The following FOXP2 variants were observed in gnomAD, a reference collection of about 807,000 sequenced individuals.
FOXP2 encodes the protein forkhead box protein P2.
In FOXP2, 12 loss-of-function variants were observed where a neutral mutation model predicts 115.8. That is an observed-to-expected ratio of 0.10 (90% CI 0.07 to 0.17). The LOEUF (loss-of-function observed/expected upper bound fraction) is 0.17, where lower values mean the gene tolerates loss of function less well. Ranked by LOEUF, FOXP2 falls within the 10% of genes least tolerant of loss-of-function variation. The pLI is 1.00. For missense variants in FOXP2, 629 were observed against 843.5 expected, an observed-to-expected ratio of 0.75 and a Z score of 3.15; for synonymous variants, 328 against 297.7, an observed-to-expected ratio of 1.10 and a Z score of -1.05.
chr7:114,150,775 A>G (rs978986663), intron 1 of FOXP2, among the ~76,000 whole-genome samples: 9 of 151,896 alleles, frequency 5.9e-5, no homozygotes, highest in African/African-American at 2.2e-4. Flanking sequence ...CTAGATATCA[A>G]TTTTCTCTCT....
chr7:114,491,358 T>G (rs1333271689), intron 2 of FOXP2, among the ~76,000 whole-genome samples: 1 of 152,164 alleles, frequency 6.6e-6, no homozygotes, highest in Non-Finnish European at 1.5e-5. Flanking sequence ...GGGTTGTTTG[T>G]TTTTTTCTTG....
intron 1 of FOXP2, among the ~76,000 whole-genome samples, chr7:114,230,850 C>CTCAT (rs1182838012): frequency 6.6e-6 from 1 of 151,780 alleles, no homozygotes; most frequent in East Asian, 1.9e-4. Context: ...CAACACAGTA[C>CTCAT]TCATAGTCCT....
At chr7:114,478,407 A>G (rs971477382) in intron 2 of FOXP2, among the ~76,000 whole-genome samples, 7 of 151,890 alleles carry the variant, frequency 4.6e-5, no homozygotes, top group African/African-American at 1.7e-4. Flanking sequence ...AAAGTTATGA[A>G]TAAGGAATGA....
intron 2 of FOXP2, among the ~76,000 whole-genome samples, chr7:114,354,664 A>G (rs1482206161): frequency 1.3e-5 from 2 of 152,038 alleles, no homozygotes; most frequent in African/African-American, 4.8e-5. Flanking sequence ...TTCAAGTCCA[A>G]GTCTCTAGAT....
In FOXP2 at chr7:114,644,878, G is replaced by C. The variant is rs1291734611; in HGVS notation, c.1094+89G>C. On this transcript the variant is annotated intron_variant, in intron 8 of 16. Transcript: ENST00000350908. ...TTGTAAATAAACAAAAGATGAAGGA[G>C]GAATGTAAAAGTCCATTATAAGTCA... 6.4e-5 allele frequency: 68 copies of C among 1,054,542 alleles called. No homozygotes were observed. In the East Asian group the frequency reaches 1.7e-3, roughly 27 times the overall value. The allele number at this position is 1,054,542 out of a possible 1,614,324, so 65.3% of individuals were successfully genotyped here. A position where few individuals can be genotyped will look rare whatever the true frequency, so the allele number is the denominator to read the frequency against.
At chr7:114,653,040 A>G (rs948444551) in intron 9 of FOXP2, among the ~76,000 whole-genome samples, 3 of 152,128 alleles carry the variant, frequency 2.0e-5, no homozygotes, top group Non-Finnish European at 4.4e-5. Context: ...TCTTTTCTCA[A>G]TGAAACTAAT....
chr7:114,365,762 G>A (rs958575106), intron 2 of FOXP2, among the ~76,000 whole-genome samples: 7 of 152,078 alleles, frequency 4.6e-5, no homozygotes, highest in Admixed American at 2.0e-4. Flanking sequence ...ATGAAAAAAT[G>A]TAGTTTCAGA....
chr7:114,196,912 C>T (rs1793927063), intron 1 of FOXP2, among the ~76,000 whole-genome samples: 1 of 152,142 alleles, frequency 6.6e-6, no homozygotes, highest in African/African-American at 2.4e-5. Context: ...CAAATTTGGG[C>T]TGGACATGGT....
At chr7:114,469,511 T>A (rs539966904) in intron 2 of FOXP2, among the ~76,000 whole-genome samples, 3 of 152,290 alleles carry the variant, frequency 2.0e-5, no homozygotes, top group Admixed American at 2.0e-4. Flanking sequence ...CAATAAAAAG[T>A]TTATATTTTA....
chr7:114,484,895 G>GT (rs914328347), intron 2 of FOXP2, among the ~76,000 whole-genome samples: 11 of 151,684 alleles, frequency 7.3e-5, no homozygotes, highest in African/African-American at 4.8e-5. Context: ...GAATTTTCCA[G>GT]TTTTTTTAAA....
chr7:114,145,376 A>G (rs1444872258), intron 1 of FOXP2, among the ~76,000 whole-genome samples: 1 of 152,024 alleles, frequency 6.6e-6, no homozygotes, highest in African/African-American at 2.4e-5. Context: ...TCTGAAATAG[A>G]TAACTTTGAA....
In FOXP2 at chr7:114,664,370, A is replaced by G. The variant is rs145154396; in HGVS notation, c.1937A>G (p.Asn646Ser). The change falls in exon 16 of 17, where the codon AAT (asparagine) becomes AGT (serine). Residue 646 changes from asparagine to serine, a missense_variant. Physicochemically the swap from Asn to Ser is conservative, Grantham distance 46. Around this residue, in one of 9 missense-constraint regions of FOXP2, gnomAD observed 117 missense variants for 112.3 expected, o/e 1.04. Coordinates refer to ENST00000350908, the MANE Select transcript of FOXP2 (RefSeq NM_014491.4). ...GLLQAVHEDL[N>S]GSLDHIDSNG... ...CTGCAGGCCGTCCACGAAGACCTCA[A>G]TGGTTCTCTGGATCACATTGACAGC... is the stretch of plus-strand genomic sequence containing the variant. The G allele has an allele frequency of 8.4e-5, 135 of 1,613,638 alleles. No individual in the cohort carries two copies. The highest frequency in any genetic ancestry group is 4.8e-4 in the African/African-American group (36 of 75,014).
At chr7:114,325,657 G>A (rs1797537408) in intron 2 of FOXP2, among the ~76,000 whole-genome samples, 1 of 151,684 alleles carries the variant, frequency 6.6e-6, no homozygotes, top group African/African-American at 2.4e-5. Flanking sequence ...AATAAACAAT[G>A]GATCTAATCA....
chr7:114,568,338 G>T (rs1268434588), intron 3 of FOXP2, among the ~76,000 whole-genome samples: 1 of 151,308 alleles, frequency 6.6e-6, no homozygotes, highest in Non-Finnish European at 1.5e-5. Flanking sequence ...TAGATTTTAG[G>T]GAATCGAAAA....
chr7:114,507,598 A>G (rs1307865145), intron 2 of FOXP2, among the ~76,000 whole-genome samples: 4 of 152,076 alleles, frequency 2.6e-5, no homozygotes, highest in African/African-American at 9.6e-5. Flanking sequence ...CATTGACTCA[A>G]TGACTGAAGG....
chr7:114,445,408 G>A (rs1794788907), intron 2 of FOXP2, among the ~76,000 whole-genome samples: 1 of 152,140 alleles, frequency 6.6e-6, no homozygotes, highest in Non-Finnish European at 1.5e-5. Flanking sequence ...TCAACAGTAT[G>A]TAACTTAGGA....
chr7:114,379,987 A>G (rs1292081236), intron 2 of FOXP2, among the ~76,000 whole-genome samples: 1 of 152,084 alleles, frequency 6.6e-6, no homozygotes, highest in Non-Finnish European at 1.5e-5. Context: ...TTTCCTGCTG[A>G]GTACTAGGGC....
intron 8 of FOXP2, among the ~76,000 whole-genome samples, chr7:114,649,141 AG>A (rs1390616615): frequency 6.6e-6 from 1 of 152,120 alleles, no homozygotes; most frequent in Non-Finnish European, 1.5e-5. Context: ...CATCAGAAAA[AG>A]TATTATTGTT....
At chr7:114,116,843 C>G (rs1023493556) in intron 1 of FOXP2, among the ~76,000 whole-genome samples, 1 of 152,092 alleles carries the variant, frequency 6.6e-6, no homozygotes, top group Non-Finnish European at 1.5e-5. Flanking sequence ...CCTTCAGTCT[C>G]CCGCTCTTCA....
Sources: allele counts gnomAD v4.1 joint callset (sites outside exome capture counted in the v4.1 genomes callset), GRCh38; gene constraint gnomAD v4.1.1; regional missense constraint gnomAD v4.1.1; transcripts MANE v1.5; gene names NCBI Gene and HGNC (gene_info 2026-07-23, HGNC 2026-07-21).